MKNK2: variants seen among roughly 807,000 people sequenced by gnomAD.
MKNK2 encodes MAPK interacting serine/threonine kinase 2.
In MKNK2, 54 loss-of-function variants were observed where a neutral mutation model predicts 55.0. That is an observed-to-expected ratio of 0.98 (90% CI 0.79 to 1.23). The LOEUF is 1.23. MKNK2 is among the 50% of genes most tolerant of loss of function. MKNK2 has a pLI of 0.00. For missense variants in MKNK2, 685 were observed against 632.1 expected (o/e 1.08, Z -0.90); for synonymous variants, 323 against 256.0 (o/e 1.26, Z -2.50).
In MKNK2 at chr19:2,050,830, C is replaced by G. The variant is rs2017100935; in HGVS notation, c.22G>C (p.Glu8Gln). Residue 8 changes from glutamate to glutamine, a missense_variant, in exon 2 of 14, where the codon GAA becomes CAA. Glu to Gln is a conservative substitution (Grantham distance 29). Coordinates refer to ENST00000250896, the MANE Select transcript of MKNK2 (RefSeq NM_199054.3). Reference sequence around the variant, plus strand: ...AACGAACGGTGGAAACCCTGAAGTTCGGCTGGTTTCTTCTGCACCATCTTC... The same window carrying G: ...AACGAACGGTGGAAACCCTGAAGTTGGGCTGGTTTCTTCTGCACCATCTTC... The part of the protein sequence containing the change: MVQKKPA[E>Q]LQGFHRSFKG... 1 of 1,536,832 alleles carries G rather than the reference C, an allele frequency of 6.5e-7. No homozygotes were observed. The highest frequency in any genetic ancestry group is 2.6e-5 in the East Asian group (1 of 38,976).
intron 3 of MKNK2, 47 bp downstream of exon 3, chr19:2,046,557 C>T (rs562549998): frequency 6.4e-7 from 1 of 1,550,404 alleles, no homozygotes; most frequent in Non-Finnish European, 8.7e-7. Context: ...ACTGCCATGG[C>T]AGCGACAGCA....
Position 2,039,096 on chromosome 19 carries a change from C to T in MKNK2, c.*517G>A. 1 of 987,142 alleles carries T rather than the reference C, an allele frequency of 1.0e-6. No individual in the cohort carries two copies. 61.1% of individuals were successfully genotyped at this position (987,142 alleles called of 1,614,324 possible). ...GACAGGCAGCCCCTCCCTTCCCCAACCAAGCCACCAGGGGTGCTCTCAGGG... is the reference window on the plus strand; with the variant it reads ...GACAGGCAGCCCCTCCCTTCCCCAATCAAGCCACCAGGGGTGCTCTCAGGG... On this transcript the variant is annotated 3_prime_UTR_variant, in exon 14 of 14. Transcript: ENST00000250896.
rs78908729 is a variant in MKNK2 at position 2,037,970 on chromosome 19, C to G, written c.*1643G>C. The G allele has an allele frequency of 2.0e-5, 27 of 1,372,770 alleles. No individual in the cohort carries two copies. The highest frequency in any genetic ancestry group is 2.6e-5 in the East Asian group (1 of 38,426). The allele number at this position is 1,372,770 out of a possible 1,614,324, so 85.0% of individuals were successfully genotyped here. The stretch of plus-strand genomic sequence containing the variant: ...CAAAAAGGCAGAGAATCCCCCGTTA[C>G]GAAACATGGAATCACTGACAGGCGA... On this transcript the variant is annotated 3_prime_UTR_variant, in exon 14 of 14. Transcript: ENST00000250896.
Position 2,039,181 on chromosome 19 carries a change from G to C in MKNK2, c.*432C>G. ...ACTGCGGGCTGGGAGGGAACACGAG[G>C]GCAGGGTCCTGTGCCCCTCCCCAGC... On this transcript the variant is annotated 3_prime_UTR_variant, in exon 14 of 14. Transcript: ENST00000250896. 1 of 1,009,438 alleles carries C rather than the reference G, an allele frequency of 9.9e-7. No individual in the cohort carries two copies. The highest frequency in any genetic ancestry group is 1.2e-6 in the Non-Finnish European group (1 of 845,048). 62.5% of individuals were successfully genotyped at this position (1,009,438 alleles called of 1,614,324 possible).
Position 2,051,215 on chromosome 19 carries a change from T to C in MKNK2, c.-216A>G, listed in dbSNP as rs950869387. ...CCGCCGCCGCCAGCGCGGACCCCTC[T>C]ACCTGGGCCACCGCCGCTGAGAGGA... is the stretch of plus-strand genomic sequence containing the variant. On this transcript the variant is annotated 5_prime_UTR_variant, in exon 1 of 14. Coordinates refer to ENST00000250896, the MANE Select transcript of MKNK2 (RefSeq NM_199054.3). 2.5e-4 allele frequency: 38 copies of C among 153,504 alleles called. No individual in the cohort carries two copies. Among genetic ancestry groups the C allele is most frequent in the African/African-American group, 5.1e-4 (21 of 41,132 alleles). The allele number at this position is 153,504 out of a possible 1,614,324, so 9.5% of individuals were successfully genotyped here. A position where few individuals can be genotyped will look rare whatever the true frequency, so the allele number is the denominator to read the frequency against.
At chr19:2,043,064 C>A in intron 7 of MKNK2, 60 bp downstream of exon 7, 1 of 1,460,796 alleles carries the variant, frequency 6.8e-7, no homozygotes, top group South Asian at 1.2e-5. Context: ...TGGCACTAGG[C>A]CCCCATCCCG....
rs1164524357 is a variant in MKNK2, at chr19:2,046,628, C to T, written c.115G>A (p.Gly39Ser). 6.4e-7 allele frequency: 1 copy of T among 1,569,628 alleles called. No homozygotes were observed. Among genetic ancestry groups the T allele is most frequent in the Middle Eastern group, 1.7e-4 (1 of 5,962 alleles). ...DQPDHGDSDF[G>S]LQCSARPDMP... The stretch of plus-strand genomic sequence containing the variant: ...CCAGGGCGGGCTGAGCACTGCAGGC[C>T]AAAGTCAGAGTCTCCGTGGTCGGGC... The change falls in exon 3 of 14, where the codon GGC becomes AGC. Residue 39 changes from glycine (G) to serine (S), a missense_variant. By Grantham distance (56) the Gly-to-Ser change is moderately conservative. Coordinates refer to ENST00000250896, the MANE Select transcript of MKNK2 (RefSeq NM_199054.3).
In MKNK2 at chr19:2,046,682, G is replaced by C. The variant is rs371166976; in HGVS notation, c.61C>G (p.Pro21Ala). The change falls in exon 3 of 14, where the codon CCC (proline) becomes GCC (alanine). Residue 21 changes from proline (P) to alanine (A), a missense_variant. Coordinates refer to ENST00000250896, the MANE Select transcript of MKNK2 (RefSeq NM_199054.3). The part of the protein sequence containing the change: ...GFHRSFKGQN[P>A]FELAFSLDQP... The stretch of plus-strand genomic sequence containing the variant: ...TCTAGGGAGAAGGCCAGCTCGAAGG[G>C]GTTCTGCCCCTGCAGGGGAGAGGAG... The C allele has an allele frequency of 6.5e-7, 1 of 1,527,244 alleles. No homozygotes were observed. Among genetic ancestry groups the C allele is most frequent in the East Asian group, 2.4e-5 (1 of 42,230 alleles). 94.6% of individuals were successfully genotyped at this position (1,527,244 alleles called of 1,614,324 possible).
At chr19:2,044,128 C>T (rs2145689534) in intron 5 of MKNK2, among the ~76,000 whole-genome samples, 1 of 152,022 alleles carries the variant, frequency 6.6e-6, no homozygotes, top group Admixed American at 6.5e-5. Flanking sequence ...GCCACCCTCC[C>T]TGACCCAGAG....
rs75160224 is a variant in MKNK2, at chr19:2,042,747, G to A, written c.598+19C>T. ...TTGGCAGGCGGCCCTAGGAGACTCC[G>A]GGCGGGGTCACCACCTACCTTTGTT... is the stretch of plus-strand genomic sequence containing the variant. On this transcript the variant is annotated intron_variant, in intron 8 of 13. Coordinates refer to ENST00000250896, the MANE Select transcript of MKNK2 (RefSeq NM_199054.3). 4,488 of 1,556,476 alleles carry A rather than the reference G, an allele frequency of 2.9e-3. 14 individuals are homozygous for A. Among genetic ancestry groups the A allele is most frequent in the East Asian group, 3.9e-3 (163 of 42,108 alleles).
chr19:2,042,390 G>A, intron 10 of MKNK2, 37 bp downstream of exon 10: 2 of 1,535,204 alleles, frequency 1.3e-6, no homozygotes, highest in Non-Finnish European at 8.8e-7. Context: ...CCGCAGAGCA[G>A]GCGGCCGAGC....
intron 13 of MKNK2, 135 bp from the exon 14 acceptor site, chr19:2,039,991 G>C: frequency 7.2e-7 from 1 of 1,382,204 alleles, no homozygotes; most frequent in East Asian, 2.4e-5. Flanking sequence ...TGAGCACCAG[G>C]GCCCCACCGG....
rs770676565 is a variant in MKNK2, at chr19:2,050,861, G to A, written c.-10C>T. The A allele has an allele frequency of 9.2e-6, 14 of 1,517,082 alleles. No homozygotes were observed. The highest frequency in any genetic ancestry group is 1.4e-5 in the African/African-American group (1 of 69,242). 94.0% of individuals were successfully genotyped at this position (1,517,082 alleles called of 1,614,324 possible). A position where few individuals can be genotyped will look rare whatever the true frequency, so the allele number is the denominator to read the frequency against. ...GTTTCTTCTGCACCATCTTCTGTCC[G>A]GGCCCCGCCAGCGGGGGAGGGGACC... On this transcript the variant is annotated 5_prime_UTR_variant, in exon 2 of 14. Coordinates refer to ENST00000250896, the MANE Select transcript of MKNK2 (RefSeq NM_199054.3).
Position 2,037,649 on chromosome 19 carries a change from T to A in MKNK2, c.*1964A>T, listed in dbSNP as rs1286677122. ...TTTTGAGGTTTTTTTTTTTTTTTTG[T>A]CTTTTAAAAACATCGTAACATTAAC... On this transcript the variant is annotated 3_prime_UTR_variant, in exon 14 of 14. Transcript: ENST00000250896. The A allele has an allele frequency of 1.4e-5, 12 of 854,018 alleles. No homozygotes were observed. The highest frequency in any genetic ancestry group is 1.7e-5 in the Non-Finnish European group (11 of 636,658). 52.9% of individuals were successfully genotyped at this position (854,018 alleles called of 1,614,324 possible).
intron 2 of MKNK2, 103 bp from the exon 3 acceptor site, chr19:2,046,794 T>G: frequency 1.1e-6 from 1 of 895,710 alleles, no homozygotes; most frequent in South Asian, 2.0e-5. Context: ...TGACAAGCCC[T>G]GCGCTGAGCA....
chr19:2,044,989 C>G (rs1048512628), intron 5 of MKNK2, among the ~76,000 whole-genome samples: 1 of 152,134 alleles, frequency 6.6e-6, no homozygotes, highest in East Asian at 1.9e-4. Flanking sequence ...GGGCCCACAC[C>G]CCAGTCCCCA....
chr19:2,042,257 G>T (rs565540648), intron 10 of MKNK2, 170 bp downstream of exon 10: 5 of 743,156 alleles, frequency 6.7e-6, no homozygotes, highest in Non-Finnish European at 1.1e-5. Flanking sequence ...CGACGCGTTG[G>T]GGCGCCTGCT....
At chr19:2,040,363 G>C in intron 12 of MKNK2, 186 bp from the exon 13 acceptor site, 1 of 564,154 alleles carries the variant, frequency 1.8e-6, no homozygotes, top group African/African-American at 1.9e-5. Context: ...GAGGCTCCAT[G>C]TCCCCCTGCC....
Position 2,046,169 on chromosome 19 carries a change from G to A in MKNK2, c.339+17C>T. 6.2e-7 allele frequency: 1 copy of A among 1,606,094 alleles called. No homozygotes were observed. Among genetic ancestry groups the A allele is most frequent in the South Asian group, 1.1e-5 (1 of 91,042 alleles). On this transcript the variant is annotated intron_variant, in intron 5 of 13. Coordinates refer to ENST00000250896, the MANE Select transcript of MKNK2 (RefSeq NM_199054.3). ...ATCCCAAGGCGCTGGGTTCCCCAGG[G>A]CGCGGCGCGGGCCCACCTTGACGGC...
Sources: gnomAD v4.1 joint callset for allele counts (sites outside exome capture counted in the v4.1 genomes callset) on GRCh38, gnomAD v4.1.1 for gene constraint, MANE v1.5 for transcripts, NCBI Gene and HGNC (gene_info 2026-07-23, HGNC 2026-07-21) for gene names.